The following GPAM variants were observed in gnomAD, a reference collection of about 807,000 sequenced individuals.
GPAM encodes glycerol-3-phosphate acyltransferase 1, mitochondrial.
In GPAM, 56 loss-of-function variants were observed where a neutral mutation model predicts 105.0. The observed-to-expected ratio is 0.53, with a 90% CI of 0.43 to 0.67. GPAM has a LOEUF of 0.67. Among genes scored for constraint, GPAM ranks in the 30% least tolerant of loss-of-function variants. GPAM has a pLI of 0.00. For synonymous variants in GPAM, 368 were observed against 354.4 expected, an observed-to-expected ratio of 1.04 and a Z score of -0.43; for missense variants, 855 against 989.8, an observed-to-expected ratio of 0.86 and a Z score of 1.83.
chr10:112,168,616 A>C (rs1847259755), intron 10 of GPAM, 92 bp from the exon 11 acceptor site: 1 of 893,750 alleles, frequency 1.1e-6, no homozygotes. Context: ...CAAAACAGAA[A>C]AAACGATAAC....
intron 3 of GPAM, among the ~76,000 whole-genome samples, chr10:112,181,399 G>GA (rs372748387): frequency 1.7e-4 from 25 of 151,190 alleles, no homozygotes; most frequent in Admixed American, 1.5e-3. Context: ...GAGAAAGAAA[G>GA]AAAAAAAAAT....
chr10:112,220,408 G>C, the GPAM span, among the ~76,000 whole-genome samples: 2 of 143,134 alleles, frequency 1.4e-5, no homozygotes, highest in Admixed American at 6.8e-5. Context: ...GAACCACTGG[G>C]TGGTTTCATA....
chr10:112,155,970 A>G lies in GPAM; in HGVS notation c.2205T>C (p.Ala735=), dbSNP rs1436766148. Reference sequence around the variant, plus strand: ...CACTGAAGTTGTGAACAAAGATGGCAGCAGAGCTGTAGGCCTCCAGCAAAG... The same window carrying G: ...CACTGAAGTTGTGAACAAAGATGGCGGCAGAGCTGTAGGCCTCCAGCAAAG... ...LGPLLEAYSS[A]AIFVHNFSGP... The change falls in exon 20 of 22, where the codon GCT becomes GCC. Residue 735 remains alanine, a synonymous_variant. Transcript: ENST00000348367. The G allele has an allele frequency of 1.2e-6, 2 of 1,611,448 alleles. No homozygotes were observed. The highest frequency in any genetic ancestry group is 1.7e-6 in the Non-Finnish European group (2 of 1,177,572).
intron 1 of GPAM, among the ~76,000 whole-genome samples, chr10:112,213,112 T>C (rs1200439156): frequency 6.6e-6 from 1 of 152,204 alleles, no homozygotes; most frequent in Admixed American, 6.5e-5. Context: ...CAGTGCTCAA[T>C]AGGCCCAGCT....
chr10:112,169,709 C>T (rs977861107), intron 9 of GPAM, among the ~76,000 whole-genome samples: 6 of 152,208 alleles, frequency 3.9e-5, no homozygotes, highest in African/African-American at 4.8e-5. Flanking sequence ...CCCGGGGCCA[C>T]GGACCAATAC....
chr10:112,203,227 A>T (rs896932667), intron 1 of GPAM, among the ~76,000 whole-genome samples: 1 of 152,224 alleles, frequency 6.6e-6, no homozygotes, highest in East Asian at 1.9e-4. Context: ...TATTTAGGAA[A>T]GTATTAGACA....
the GPAM span, among the ~76,000 whole-genome samples, chr10:112,222,926 G>A: frequency 6.6e-6 from 1 of 152,048 alleles, no homozygotes; most frequent in Admixed American, 6.5e-5. Flanking sequence ...TTCTGCAGGT[G>A]CCTGGTTGAC....
chr10:112,223,425 T>A, the GPAM span, among the ~76,000 whole-genome samples: 3 of 152,242 alleles, frequency 2.0e-5, no homozygotes, highest in African/African-American at 7.2e-5. Context: ...TGTGTAACTC[T>A]TATCCTAAAA....
intron 4 of GPAM, 149 bp downstream of exon 4, chr10:112,180,322 AAG>A: frequency 2.8e-6 from 2 of 718,448 alleles, no homozygotes; most frequent in Non-Finnish European, 4.8e-6. Flanking sequence ...TGGAAAGAAA[AAG>A]TGTGTCAACA....
intron 1 of GPAM, among the ~76,000 whole-genome samples, chr10:112,191,794 A>G (rs1847661631): frequency 6.6e-6 from 1 of 152,196 alleles, no homozygotes; most frequent in Non-Finnish European, 1.5e-5. Flanking sequence ...TGGAGGCCAG[A>G]ATGGCTCGGC....
At chr10:112,158,668 C>T (rs138954032) in intron 17 of GPAM, among the ~76,000 whole-genome samples, 1 of 152,308 alleles carries the variant, frequency 6.6e-6, no homozygotes, top group East Asian at 1.9e-4. Context: ...TCTCCCCACA[C>T]CCACAGTGTG....
chr10:112,217,649 C>T (rs1340721306), upstream of GPAM, among the ~76,000 whole-genome samples: 1 of 152,222 alleles, frequency 6.6e-6, no homozygotes, highest in Non-Finnish European at 1.5e-5. Context: ...CACAGATTTT[C>T]ACAGTGCATA....
At chr10:112,212,396 G>C (rs1349812629) in intron 1 of GPAM, among the ~76,000 whole-genome samples, 3 of 152,046 alleles carry the variant, frequency 2.0e-5, no homozygotes, top group African/African-American at 7.2e-5. Flanking sequence ...CCGAGTAGCT[G>C]GGACTACAGG....
At chr10:112,203,833 C>A (rs1265655870) in intron 1 of GPAM, among the ~76,000 whole-genome samples, 3 of 152,168 alleles carry the variant, frequency 2.0e-5, no homozygotes, top group African/African-American at 7.2e-5. Flanking sequence ...CAAGGTCACA[C>A]AGGGAGTAGG....
chr10:112,151,097 C>A lies in GPAM; in HGVS notation c.*2453G>T. 2 of 981,626 alleles carry A rather than the reference C, an allele frequency of 2.0e-6. No individual in the cohort carries two copies. The highest frequency in any genetic ancestry group is 2.4e-6 in the Non-Finnish European group (2 of 826,488). The allele number at this position is 981,626 out of a possible 1,614,324, so 60.8% of individuals were successfully genotyped here. A position where few individuals can be genotyped will look rare whatever the true frequency, so the allele number is the denominator to read the frequency against. On this transcript the variant is annotated 3_prime_UTR_variant, in exon 22 of 22. Coordinates refer to ENST00000348367, the MANE Select transcript of GPAM (RefSeq NM_001244949.2). The stretch of plus-strand genomic sequence containing the variant: ...CATTTTCAAAAACAGACTGCAGTTT[C>A]ATGTTGTTTAATATTGTTTTTTTTT...
rs1029016702 is a variant in GPAM at position 112,204,510 on chromosome 10, G to T, written n.210+10658C>A. Among the ~76,000 whole-genome samples the T allele has an allele frequency of 3.3e-5, 5 of 151,750 alleles. 1 individual carries two copies. The highest frequency in any genetic ancestry group is 3.3e-4 in the Admixed American group (5 of 15,238). On this transcript the variant is annotated intron_variant and non_coding_transcript_variant, in intron 1 of 3. Transcript: ENST00000480130. ...CTGACTCCCTCGGTGGTTGGGGAGA[G>T]AAGTTTATTTATTGCATGTCTACTA...
intron 1 of GPAM, among the ~76,000 whole-genome samples, chr10:112,192,324 G>A (rs1358208000): frequency 6.6e-6 from 1 of 152,160 alleles, no homozygotes; most frequent in East Asian, 1.9e-4. Context: ...ATGGTCTAAT[G>A]GCATATGGTA....
At chr10:112,173,663 C>G (rs1406284770) in intron 7 of GPAM, 36 bp downstream of exon 7, 1 of 1,602,272 alleles carries the variant, frequency 6.2e-7, no homozygotes, top group Non-Finnish European at 8.6e-7. Context: ...ATCAGCATGG[C>G]TGTGATTGAA....
intron 9 of GPAM, 94 bp downstream of exon 9, chr10:112,172,088 T>C: frequency 2.1e-6 from 2 of 964,552 alleles, no homozygotes; most frequent in Non-Finnish European, 3.3e-6. Context: ...TAATGTCATC[T>C]TTACAATAAC....
Sources: allele counts gnomAD v4.1 joint callset (sites outside exome capture counted in the v4.1 genomes callset), GRCh38; gene constraint gnomAD v4.1.1; transcripts MANE v1.5; gene names NCBI Gene and HGNC (gene_info 2026-07-23, HGNC 2026-07-21).